The following WHR1 variants were observed in gnomAD, a reference collection of about 807,000 sequenced individuals.
The protein encoded by WHR1 is winged helix repair factor 1, also known as MHC class III HLA-RP1.
chr6:31,979,125 C>A, the WHR1 span: 1 of 912,750 alleles, frequency 1.1e-6, no homozygotes, highest in South Asian at 1.5e-5. Flanking sequence ...GGAGAGGGCA[C>A]AGGGCCCTGG....
the WHR1 span, chr6:31,980,858 C>T: frequency 2.3e-5 from 32 of 1,377,378 alleles, no homozygotes; most frequent in African/African-American, 4.8e-4. Flanking sequence ...AGTGGGATTT[C>T]CTCCCAGCTC....
At chr6:31,979,031 G>A in the WHR1 span, 2 of 1,603,446 alleles carry the variant, frequency 1.2e-6, no homozygotes, top group African/African-American at 1.3e-5. Flanking sequence ...GGTGCTGGGG[G>A]GAGGGCACAG....
the WHR1 span, among the ~76,000 whole-genome samples, chr6:31,978,333 T>G: frequency 6.6e-6 from 1 of 152,124 alleles, no homozygotes; most frequent in South Asian, 2.1e-4. Flanking sequence ...TGGGGGGGTC[T>G]CACTGTGTTG....
the WHR1 span, chr6:31,972,775 G>T: frequency 6.2e-7 from 1 of 1,608,396 alleles, no homozygotes; most frequent in South Asian, 1.1e-5. This position sits in a 1 kb window ranked among gnomAD's most constrained non-coding sequence, Gnocchi z 6.3. Flanking sequence ...GCGTCGGTGC[G>T]ACCGCCGGAA....
the WHR1 span, among the ~76,000 whole-genome samples, chr6:31,976,644 C>T: frequency 2.0e-5 from 3 of 152,246 alleles, no homozygotes; most frequent in East Asian, 3.9e-4. Context: ...GACGGGGTGG[C>T]GGCCGGGCAG....
chr6:31,981,112 T>G, the WHR1 span: 3 of 381,132 alleles, frequency 7.9e-6, no homozygotes, highest in South Asian at 7.0e-5. Context: ...AAGAGCTGCA[T>G]GATGGTGGCT....
the WHR1 span, among the ~76,000 whole-genome samples, chr6:31,976,129 G>T: frequency 1.2e-4 from 17 of 144,572 alleles, no homozygotes; most frequent in Non-Finnish European, 2.0e-4. Flanking sequence ...CTGGCTGCGT[G>T]GGGGGCTGAC....
chr6:31,972,211 A>T, the WHR1 span: 3 of 1,612,596 alleles, frequency 1.9e-6, no homozygotes, highest in Non-Finnish European at 2.5e-6. This position sits in a 1 kb window ranked among gnomAD's most constrained non-coding sequence, Gnocchi z 6.3. Context: ...GGCGGAGGTG[A>T]TGCTGGTATG....
chr6:31,971,296 T>C, the WHR1 span: 10 of 1,537,382 alleles, frequency 6.5e-6, no homozygotes, highest in Non-Finnish European at 6.1e-6. The surrounding 1 kb of genome is among the most constrained non-coding windows in gnomAD (Gnocchi z 4.5). Context: ...TCTCCAGATA[T>C]ACTGCCTACC....
At chr6:31,978,110 T>C in the WHR1 span, among the ~76,000 whole-genome samples, 2 of 152,214 alleles carry the variant, frequency 1.3e-5, no homozygotes, top group Non-Finnish European at 2.9e-5. Context: ...ATATTAGTGG[T>C]AATTCCTGTT....
the WHR1 span, among the ~76,000 whole-genome samples, chr6:31,976,619 G>A: frequency 1.3e-3 from 200 of 151,620 alleles, no homozygotes; most frequent in African/African-American, 4.5e-3. Flanking sequence ...AGGCAGAGAC[G>A]CCCCTCACTT....
the WHR1 span, among the ~76,000 whole-genome samples, chr6:31,975,442 C>G: frequency 6.6e-6 from 1 of 151,964 alleles, no homozygotes; most frequent in Non-Finnish European, 1.5e-5. Context: ...ACCTCGTGAT[C>G]TGCCCTCCTC....
At chr6:31,972,438 C>G in the WHR1 span, 1 of 1,613,110 alleles carries the variant, frequency 6.2e-7, no homozygotes, top group Non-Finnish European at 8.5e-7. The surrounding 1 kb of genome is among the most constrained non-coding windows in gnomAD (Gnocchi z 6.3). Context: ...ATCACCTGAT[C>G]CCGGAGACCT....
At chr6:31,973,112 A>G in the WHR1 span, 8,627 of 518,856 alleles carry the variant, frequency 0.017, 503 homozygotes, top group South Asian at 0.11. Context: ...AGAGAGAGGG[A>G]ATGGTGTATT....
chr6:31,973,151 G>A, the WHR1 span: 1 of 431,638 alleles, frequency 2.3e-6, no homozygotes. Flanking sequence ...AGGGAGGTCA[G>A]CTAAGAAGAT....
the WHR1 span, among the ~76,000 whole-genome samples, chr6:31,976,721 G>C: frequency 2.6e-5 from 4 of 152,246 alleles, no homozygotes; most frequent in African/African-American, 9.6e-5. Context: ...GTAGCAAGCC[G>C]AGATCCCGCC....
the WHR1 span, among the ~76,000 whole-genome samples, chr6:31,976,579 G>A: frequency 1.3e-5 from 2 of 150,946 alleles, no homozygotes; most frequent in Non-Finnish European, 3.0e-5. Context: ...CAGGCAGAGG[G>A]GCTCCTCACA....
the WHR1 span, chr6:31,980,229 G>C: frequency 5.9e-6 from 3 of 512,360 alleles, no homozygotes; most frequent in Admixed American, 1.0e-4. Flanking sequence ...AAAAGAAAAA[G>C]TGGAGGGAGG....
the WHR1 span, chr6:31,972,333 C>G: frequency 6.2e-7 from 1 of 1,613,148 alleles, no homozygotes; most frequent in Non-Finnish European, 8.5e-7. This position sits in a 1 kb window ranked among gnomAD's most constrained non-coding sequence, Gnocchi z 6.3. Flanking sequence ...TACGTCACTG[C>G]TCTGCGCCGG....
Sources: allele counts gnomAD v4.1 joint callset (sites outside exome capture counted in the v4.1 genomes callset), GRCh38; gene constraint gnomAD v4.1.1; non-coding constraint Gnocchi (gnomAD v3.1); transcripts MANE v1.5; gene names NCBI Gene and HGNC (gene_info 2026-07-23, HGNC 2026-07-21).